The following RPS6KA6 variants were observed in gnomAD, a reference collection of about 807,000 sequenced individuals.
RPS6KA6 encodes ribosomal protein S6 kinase A6, also known as ribosomal protein S6 kinase alpha-6.
RPS6KA6 carries 27 observed loss-of-function variants against 65.4 expected under a neutral mutation model. The observed-to-expected ratio is 0.41, with a 90% confidence interval of 0.30 to 0.57. The LOEUF (loss-of-function observed/expected upper bound fraction) is 0.57, where lower values mean the gene tolerates loss of function less well. Ranked by LOEUF, RPS6KA6 falls within the 20% of genes least tolerant of loss-of-function variation. The probability of loss-of-function intolerance (pLI) is 0.24; values close to 1 mark genes in which losing one functional copy is unlikely to be tolerated. For missense variants in RPS6KA6, 486 were observed against 555.6 expected, an observed-to-expected ratio of 0.87 and a Z score of 1.26; for synonymous variants, 190 against 184.2, an observed-to-expected ratio of 1.03 and a Z score of -0.26.
chrX:84,075,959 A>G (rs939595462), intron 20 of RPS6KA6, among the ~76,000 whole-genome samples: 1 of 112,028 alleles, frequency 8.9e-6, no homozygotes, highest in Non-Finnish European at 1.9e-5. Flanking sequence ...CAAATCCATG[A>G]TAGCTGAAAT....
chrX:84,182,196 G>C (rs902018550), intron 1 of RPS6KA6, among the ~76,000 whole-genome samples: 16 of 109,480 alleles, frequency 1.5e-4, no homozygotes, highest in African/African-American at 5.4e-4. Context: ...TTTAGAAAAC[G>C]TCTCTTATCT....
intron 20 of RPS6KA6, among the ~76,000 whole-genome samples, chrX:84,081,484 C>A (rs1447195203): frequency 1.8e-5 from 2 of 111,311 alleles, no homozygotes; most frequent in Non-Finnish European, 3.8e-5. Context: ...TATAGCCTAC[C>A]AACCAAAAAA....
intron 20 of RPS6KA6, among the ~76,000 whole-genome samples, chrX:84,081,669 C>T (rs901226684): frequency 9.0e-6 from 1 of 111,094 alleles, no homozygotes; most frequent in Non-Finnish European, 1.9e-5. Flanking sequence ...CAACATATCC[C>T]AGATGAACAC....
chrX:84,170,761 A>T (rs780596589), intron 1 of RPS6KA6, among the ~76,000 whole-genome samples: 2 of 111,678 alleles, frequency 1.8e-5, no homozygotes, highest in Non-Finnish European at 1.9e-5. Flanking sequence ...GGCCCCCATG[A>T]TCCTCACCTC....
intron 8 of RPS6KA6, among the ~76,000 whole-genome samples, chrX:84,134,459 G>A (rs757613859): frequency 4.0e-3 from 440 of 111,088 alleles, no homozygotes; most frequent in Non-Finnish European, 6.9e-3. Flanking sequence ...GAAGGTGGAG[G>A]GAAGGTTGTC....
At chrX:84,151,146 T>C (rs2035312151) in intron 3 of RPS6KA6, among the ~76,000 whole-genome samples, 1 of 99,550 alleles carries the variant, frequency 1.0e-5, no homozygotes, top group African/African-American at 3.6e-5. Context: ...ATAGGATATA[T>C]AGATATATAT....
At chrX:84,105,392 C>T (rs935003722) in intron 16 of RPS6KA6, among the ~76,000 whole-genome samples, 1 of 111,245 alleles carries the variant, frequency 9.0e-6, no homozygotes, top group African/African-American at 3.2e-5. Context: ...ACTCCAGAAA[C>T]AATCCATAAT....
At chrX:84,142,165 AGTATGCT>A (rs2035117236) in intron 6 of RPS6KA6, among the ~76,000 whole-genome samples, 1 of 111,759 alleles carries the variant, frequency 8.9e-6, no homozygotes, top group South Asian at 3.7e-4. Flanking sequence ...AGTCATACAA[AGTATGCT>A]TTATGACCAC....
intron 6 of RPS6KA6, among the ~76,000 whole-genome samples, chrX:84,136,850 C>CA (rs2034999873): frequency 1.8e-5 from 2 of 111,310 alleles, no homozygotes; most frequent in African/African-American, 6.5e-5. Context: ...GAAAGAAACT[C>CA]AGAGTGATTA....
intron 1 of RPS6KA6, among the ~76,000 whole-genome samples, chrX:84,182,156 G>C (rs772975709): frequency 3.7e-5 from 4 of 109,267 alleles, no homozygotes; most frequent in African/African-American, 1.3e-4. Context: ...ATCTAGCAGT[G>C]AAATCAGTTA....
chrX:84,125,674 G>T (rs908546451), intron 8 of RPS6KA6, among the ~76,000 whole-genome samples: 29 of 110,801 alleles, frequency 2.6e-4, no homozygotes, highest in Non-Finnish European at 4.9e-4. Context: ...CTAACACGGT[G>T]AAACCTGTCT....
At chrX:84,097,528 A>AT (rs1370785037) in intron 19 of RPS6KA6, among the ~76,000 whole-genome samples, 4 of 111,611 alleles carry the variant, frequency 3.6e-5, no homozygotes, top group Non-Finnish European at 7.6e-5. Flanking sequence ...AATGCACTTT[A>AT]TTTTTAAAAG....
chrX:84,084,612 C>A (rs1288022575), intron 20 of RPS6KA6, among the ~76,000 whole-genome samples: 3 of 112,115 alleles, frequency 2.7e-5, no homozygotes, highest in African/African-American at 9.7e-5. Flanking sequence ...GTTACTGTAG[C>A]CTTGTAGTAT....
chrX:84,132,217 G>T (rs192173819), intron 8 of RPS6KA6, among the ~76,000 whole-genome samples: 1 of 110,791 alleles, frequency 9.0e-6, no homozygotes, highest in East Asian at 2.8e-4. Context: ...GAGGCCAGGA[G>T]TTCAAGACCA....
chrX:84,078,079 A>G (rs1485951815), intron 20 of RPS6KA6, among the ~76,000 whole-genome samples: 1 of 112,243 alleles, frequency 8.9e-6, no homozygotes, highest in Non-Finnish European at 1.9e-5. Flanking sequence ...TTAAGAGACA[A>G]TCCATAAAAA....
chrX:84,121,989 A>G (rs1397481532), intron 8 of RPS6KA6, among the ~76,000 whole-genome samples: 1 of 112,750 alleles, frequency 8.9e-6, no homozygotes, highest in East Asian at 2.8e-4. Context: ...GCAAGATGGC[A>G]AAATAGAAGC....
At chrX:84,130,131 C>A (rs1178589489) in intron 8 of RPS6KA6, among the ~76,000 whole-genome samples, 1 of 110,533 alleles carries the variant, frequency 9.0e-6, no homozygotes, top group African/African-American at 3.3e-5. Context: ...CACGTATGTA[C>A]CCACAAAATT....
At chrX:84,084,378 A>G (rs2033872148) in intron 20 of RPS6KA6, among the ~76,000 whole-genome samples, 1 of 111,844 alleles carries the variant, frequency 8.9e-6, no homozygotes, top group Non-Finnish European at 1.9e-5. Flanking sequence ...ATCTAGAGTT[A>G]ATTTTTGTAT....
At chrX:84,143,469 A>C (rs2035142977) in intron 6 of RPS6KA6, among the ~76,000 whole-genome samples, 1 of 111,302 alleles carries the variant, frequency 9.0e-6, no homozygotes, top group Non-Finnish European at 1.9e-5. Flanking sequence ...AACAGGATTT[A>C]CTTAGAGGTA....
Sources: allele counts gnomAD v4.1 joint callset (sites outside exome capture counted in the v4.1 genomes callset), GRCh38; gene constraint gnomAD v4.1.1; transcripts MANE v1.5; gene names NCBI Gene and HGNC (gene_info 2026-07-23, HGNC 2026-07-21).